Variants in STAG1 observed in about 807,000 individuals in gnomAD.
The protein encoded by STAG1 is STAG1 cohesin complex component, also known as cohesin subunit SA-1.
STAG1 carries 26 observed loss-of-function variants against 170.9 expected under a neutral mutation model. The ratio of observed to expected loss-of-function variants is 0.15; its 90% CI spans 0.11 to 0.21. The LOEUF is 0.21. STAG1 is among the 10% of genes least tolerant of loss of function. The pLI is 1.00. For synonymous variants in STAG1, 514 were observed against 497.7 expected, an observed-to-expected ratio of 1.03 and a Z score of -0.44; for missense variants, 964 against 1,509.5, an observed-to-expected ratio of 0.64 and a Z score of 5.99.
chr3:136,606,275 G>A lies in STAG1; in HGVS notation c.133-1802C>T, dbSNP rs559762976. On this transcript the variant is annotated intron_variant, in intron 3 of 33. Transcript: ENST00000383202. ...ACAATCTCGACTCACTGCAACCTCC[G>A]CCTCCCAAGTTCAAGTGATTCTCCT... is the stretch of plus-strand genomic sequence containing the variant. Among the ~76,000 whole-genome samples the A allele has an allele frequency of 2.6e-4, 39 of 151,358 alleles. No homozygotes were observed. In the South Asian group the frequency reaches 5.8e-3, roughly 23 times the overall value.
chr3:136,375,336 T>A (rs1216280171), intron 23 of STAG1, among the ~76,000 whole-genome samples: 1 of 152,208 alleles, frequency 6.6e-6, no homozygotes, highest in Non-Finnish European at 1.5e-5. Context: ...GTCTGATCAG[T>A]TTATTACAAT....
chr3:136,722,379 G>A (rs1933334053), intron 1 of STAG1, among the ~76,000 whole-genome samples: 1 of 152,090 alleles, frequency 6.6e-6, no homozygotes, highest in Non-Finnish European at 1.5e-5. Flanking sequence ...TGTCTATGTG[G>A]TCTCATTTCA....
At chr3:136,661,588 T>A (rs1189282349) in intron 1 of STAG1, among the ~76,000 whole-genome samples, 2 of 152,182 alleles carry the variant, frequency 1.3e-5, no homozygotes, top group East Asian at 3.8e-4. Context: ...AGATATCTCA[T>A]TATGTATATG....
intron 28 of STAG1, among the ~76,000 whole-genome samples, chr3:136,350,845 A>C (rs894534169): frequency 6.6e-6 from 1 of 152,148 alleles, no homozygotes; most frequent in Non-Finnish European, 1.5e-5. Context: ...AGTGAAAATG[A>C]GAGGGTGCTG....
In STAG1 at chr3:136,336,318, G is replaced by A. The variant is rs1935678225; in HGVS notation, c.*1936C>T. On this transcript the variant is annotated 3_prime_UTR_variant, in exon 34 of 34. Transcript: ENST00000383202. ...GGAAAAAAAACCTCATATTGCAAAT[G>A]TACAATTTACAGAATTACTAGCAAA... 1 of 152,188 alleles carries A rather than the reference G, an allele frequency of 6.6e-6. No individual in the cohort carries two copies. The highest frequency in any genetic ancestry group is 6.5e-5 in the Admixed American group (1 of 15,282). 9.4% of individuals were successfully genotyped at this position (152,188 alleles called of 1,614,324 possible).
intron 12 of STAG1, among the ~76,000 whole-genome samples, chr3:136,469,155 G>A (rs1438108227): frequency 6.6e-6 from 1 of 151,864 alleles, no homozygotes; most frequent in African/African-American, 2.4e-5. Flanking sequence ...GGCAGGAGAA[G>A]GAAATAAAGG....
At chr3:136,378,401 G>C (rs554964929) in intron 22 of STAG1, among the ~76,000 whole-genome samples, 15 of 152,222 alleles carry the variant, frequency 9.9e-5, no homozygotes, top group Non-Finnish European at 1.8e-4. Context: ...AAGTCCAAAA[G>C]GAAATTTCAA....
intron 5 of STAG1, among the ~76,000 whole-genome samples, chr3:136,566,433 C>T (rs1415761010): frequency 1.3e-5 from 2 of 152,156 alleles, no homozygotes; most frequent in Non-Finnish European, 2.9e-5. Flanking sequence ...ATTTGTAAGC[C>T]ACCCAGTCTA....
At chr3:136,660,221 G>C (rs1941533280) in intron 1 of STAG1, among the ~76,000 whole-genome samples, 1 of 152,108 alleles carries the variant, frequency 6.6e-6, no homozygotes, top group South Asian at 2.1e-4. Context: ...CTTTCTCATA[G>C]AGAGATGTAC....
Position 136,542,480 on chromosome 3 carries a change from C to T in STAG1, c.395-285G>A, listed in dbSNP as rs151233989. On this transcript the variant is annotated intron_variant, in intron 5 of 33. Transcript: ENST00000383202. ...ATAAAGTTCTAGATAGTTTAAATTACGTTAAATTGCTGATAAAAGTATATA... is the reference window on the plus strand; with the variant it reads ...ATAAAGTTCTAGATAGTTTAAATTATGTTAAATTGCTGATAAAAGTATATA... Among the ~76,000 whole-genome samples the T allele has an allele frequency of 3.9e-5, 6 of 151,994 alleles. No homozygotes were observed. The East Asian group carries it at 5.8e-4, about 15-fold the overall frequency.
At chr3:136,558,437 G>C (rs1207110411) in intron 5 of STAG1, among the ~76,000 whole-genome samples, 3 of 152,020 alleles carry the variant, frequency 2.0e-5, no homozygotes, top group African/African-American at 7.2e-5. Context: ...AAGGACAAAA[G>C]GTAACATCGC....
intron 5 of STAG1, among the ~76,000 whole-genome samples, chr3:136,550,054 T>A (rs1344518143): frequency 6.6e-6 from 1 of 152,188 alleles, no homozygotes; most frequent in Non-Finnish European, 1.5e-5. Context: ...GCATATATAC[T>A]CATCAGGGAT....
chr3:136,609,428 T>C (rs1471740), intron 3 of STAG1: 113,669 of 148,226 alleles, frequency 0.77, 43,653 homozygotes, highest in East Asian at 0.86. Context: ...TATATATATA[T>C]ACACACACAC....
chr3:136,735,021 C>T (rs990637412), intron 1 of STAG1, among the ~76,000 whole-genome samples: 5 of 152,184 alleles, frequency 3.3e-5, no homozygotes, highest in African/African-American at 1.2e-4. Context: ...AGGAACCAAA[C>T]TCCCCTCAAT....
At chr3:136,567,187 T>C (rs1344062356) in intron 5 of STAG1, among the ~76,000 whole-genome samples, 5 of 152,214 alleles carry the variant, frequency 3.3e-5, no homozygotes, top group East Asian at 1.9e-4. Flanking sequence ...ACACTACTAA[T>C]TGCTTTCAAA....
chr3:136,470,794 G>C (rs1576501771), intron 12 of STAG1, among the ~76,000 whole-genome samples: 4 of 152,082 alleles, frequency 2.6e-5, no homozygotes, highest in Non-Finnish European at 4.4e-5. Flanking sequence ...CCATGGAATA[G>C]TATGCAGCCA....
chr3:136,615,123 T>C (rs1939519494), intron 3 of STAG1, among the ~76,000 whole-genome samples: 1 of 151,870 alleles, frequency 6.6e-6, no homozygotes, highest in Non-Finnish European at 1.5e-5. Context: ...CATGAACTCA[T>C]AAAATTAGTT....
At chr3:136,570,106 T>C (rs1937213489) in intron 4 of STAG1, among the ~76,000 whole-genome samples, 1 of 152,176 alleles carries the variant, frequency 6.6e-6, no homozygotes, top group African/African-American at 2.4e-5. Flanking sequence ...AATCCTGTTA[T>C]ACCTTAATTT....
chr3:136,589,803 C>T (rs1388646425), intron 4 of STAG1, among the ~76,000 whole-genome samples: 1 of 151,296 alleles, frequency 6.6e-6, no homozygotes, highest in Non-Finnish European at 1.5e-5. Context: ...TGGTGGCACA[C>T]GTCAGTAATC....
Sources: gnomAD v4.1 joint callset for allele counts (sites outside exome capture counted in the v4.1 genomes callset) on GRCh38, gnomAD v4.1.1 for gene constraint, MANE v1.5 for transcripts, NCBI Gene and HGNC (gene_info 2026-07-23, HGNC 2026-07-21) for gene names.